Variants in MNAT1 observed in about 807,000 individuals in gnomAD.
The protein encoded by MNAT1 is CDK-activating kinase assembly factor MAT1.
In MNAT1, 43 loss-of-function variants were observed where a neutral mutation model predicts 42.0. That is an observed-to-expected ratio of 1.02 (90% CI 0.80 to 1.32). MNAT1 has a LOEUF of 1.32. Ranked by LOEUF, MNAT1 falls within the 40% of genes most tolerant of loss-of-function variation. The probability of loss-of-function intolerance (pLI) is 0.00; values close to 1 mark genes in which losing one functional copy is unlikely to be tolerated. For missense variants in MNAT1, 306 were observed against 350.4 expected (o/e 0.87, Z 1.01); for synonymous variants, 118 against 120.0 (o/e 0.98, Z 0.11).
intron 7 of MNAT1, among the ~76,000 whole-genome samples, chr14:60,886,270 G>A (rs4902012): frequency 0.93 from 141,002 of 152,034 alleles, 65,895 homozygotes; most frequent in Non-Finnish European, 0.99. Context: ...ATTTTTTTCT[G>A]TTTGTATTGA....
chr14:60,838,952 G>A (rs2033472498), intron 6 of MNAT1, among the ~76,000 whole-genome samples: 1 of 152,142 alleles, frequency 6.6e-6, no homozygotes, highest in East Asian at 1.9e-4. Context: ...GCCCCCTCTG[G>A]ACTTTGGGGA....
At position 60,939,806 on chromosome 14, in the gene MNAT1, T is replaced by A. The variant is rs182977297; in HGVS notation, c.810-28423T>A. On this transcript the variant is annotated intron_variant, in intron 7 of 7. Coordinates refer to ENST00000261245, the MANE Select transcript of MNAT1 (RefSeq NM_002431.4). Reference sequence around the variant, plus strand: ...GAGCCTTGTTAACTTTCTGTCTCGTTGATCTGTCTAACGTTGAGAGTGGGG... The same window carrying A: ...GAGCCTTGTTAACTTTCTGTCTCGTAGATCTGTCTAACGTTGAGAGTGGGG... 7.1e-3 allele frequency among the ~76,000 whole-genome samples: 1,088 copies of A among 152,316 alleles called. 16 individuals are homozygous for A. Among genetic ancestry groups the A allele is most frequent in the Non-Finnish European group, 7.4e-3 (506 of 68,030 alleles).
At chr14:60,912,492 CAGGAG>C (rs1277540966) in intron 7 of MNAT1, among the ~76,000 whole-genome samples, 1 of 152,166 alleles carries the variant, frequency 6.6e-6, no homozygotes, top group Non-Finnish European at 1.5e-5. Flanking sequence ...GTGCTTCCTT[CAGGAG>C]CTTTTGTAGG....
chr14:60,872,621 C>T (rs1329862864), intron 6 of MNAT1, among the ~76,000 whole-genome samples: 1 of 151,916 alleles, frequency 6.6e-6, no homozygotes, highest in Non-Finnish European at 1.5e-5. Flanking sequence ...TGATTCTAGG[C>T]TCTTCTTTCT....
At chr14:60,898,147 G>A (rs950330738) in intron 7 of MNAT1, among the ~76,000 whole-genome samples, 5 of 131,544 alleles carry the variant, frequency 3.8e-5, no homozygotes, top group Admixed American at 1.6e-4. Context: ...GTGTGCGCGC[G>A]CCACATTTTT....
intron 5 of MNAT1, among the ~76,000 whole-genome samples, chr14:60,816,858 A>T (rs2032731650): frequency 1.3e-5 from 2 of 152,038 alleles, no homozygotes; most frequent in Admixed American, 1.3e-4. Context: ...GTGCTTCAAT[A>T]TCAAAAGTGT....
At chr14:60,910,719 T>C (rs750811974) in intron 7 of MNAT1, among the ~76,000 whole-genome samples, 10 of 152,214 alleles carry the variant, frequency 6.6e-5, no homozygotes, top group Non-Finnish European at 1.0e-4. Context: ...CTGCTGGATT[T>C]GGTTTGCCAG....
intron 6 of MNAT1, among the ~76,000 whole-genome samples, chr14:60,853,370 A>C (rs1264976759): frequency 6.6e-6 from 1 of 152,010 alleles, no homozygotes; most frequent in Non-Finnish European, 1.5e-5. Context: ...GTGTAGGAAT[A>C]CTTGTGATTT....
At chr14:60,915,074 C>T (rs998305650) in intron 7 of MNAT1, among the ~76,000 whole-genome samples, 15 of 152,162 alleles carry the variant, frequency 9.9e-5, no homozygotes, top group Non-Finnish European at 1.9e-4. Context: ...GGTGCTATTT[C>T]AGGTAATTTT....
chr14:60,901,870 G>T (rs2035079156), intron 7 of MNAT1, among the ~76,000 whole-genome samples: 1 of 152,164 alleles, frequency 6.6e-6, no homozygotes, highest in South Asian at 2.1e-4. Context: ...TGAAGATGCT[G>T]TGAACATTGT....
intron 1 of MNAT1, among the ~76,000 whole-genome samples, chr14:60,747,908 A>G (rs2029900567): frequency 6.6e-6 from 1 of 152,176 alleles, no homozygotes; most frequent in Admixed American, 6.5e-5. Context: ...TATTGAAAAC[A>G]TTTTAAGGCC....
chr14:60,883,741 C>G (rs185314006), intron 7 of MNAT1, among the ~76,000 whole-genome samples: 1 of 152,060 alleles, frequency 6.6e-6, no homozygotes, highest in African/African-American at 2.4e-5. Flanking sequence ...TGTGTGTCCT[C>G]TTCAATTTTT....
intron 7 of MNAT1, among the ~76,000 whole-genome samples, chr14:60,925,494 C>T (rs571718326): frequency 1.3e-5 from 2 of 152,202 alleles, no homozygotes; most frequent in South Asian, 4.2e-4. Flanking sequence ...CCATGTTCTT[C>T]CTTTTGGCTT....
chr14:60,919,295 C>T (rs938619303), intron 7 of MNAT1: 1 of 152,286 alleles, frequency 6.6e-6, no homozygotes, highest in Non-Finnish European at 1.5e-5. Context: ...AAGGCTGCCT[C>T]GTGCACATCT....
At chr14:60,967,767 C>T (rs756666983) in intron 7 of MNAT1, among the ~76,000 whole-genome samples, 3 of 152,276 alleles carry the variant, frequency 2.0e-5, no homozygotes, top group Middle Eastern at 3.4e-3. Context: ...GTAACTCATA[C>T]GTTTTCTCCC....
intron 7 of MNAT1, among the ~76,000 whole-genome samples, chr14:60,917,716 G>T (rs560147424): frequency 6.6e-6 from 1 of 150,688 alleles, no homozygotes; most frequent in Admixed American, 6.6e-5. Flanking sequence ...TCCACCTCCC[G>T]GGTTCAAGTG....
intron 7 of MNAT1, among the ~76,000 whole-genome samples, chr14:60,904,231 A>C (rs2139511432): frequency 6.6e-6 from 1 of 152,338 alleles, no homozygotes; most frequent in Non-Finnish European, 1.5e-5. Context: ...AAGAATGTGG[A>C]AAAATACAAA....
intron 7 of MNAT1, among the ~76,000 whole-genome samples, chr14:60,882,456 A>C (rs1035240098): frequency 1.3e-5 from 2 of 152,186 alleles, no homozygotes; most frequent in Non-Finnish European, 2.9e-5. Context: ...GTGTATATGT[A>C]CCACATTTTC....
chr14:60,811,988 C>T lies in MNAT1; in HGVS notation c.422C>T (p.Thr141Ile). Residue 141 changes from threonine (T) to isoleucine (I), a missense_variant and splice_region_variant, in exon 5 of 8, where the codon ACT becomes ATT. Thr to Ile is a moderately conservative substitution (Grantham distance 89). Transcript: ENST00000261245. ...DVIQKNKLKLTREQEELEEAL... is the reference protein window; with the variant it reads ...DVIQKNKLKLIREQEELEEAL... ...GCCATATATAAATTTTTGTTTTAGACTCGAGAACAGGAAGAACTGGAAGAA... is the reference window on the plus strand; with the variant it reads ...GCCATATATAAATTTTTGTTTTAGATTCGAGAACAGGAAGAACTGGAAGAA... 6.4e-7 allele frequency: 1 copy of T among 1,572,736 alleles called. No individual in the cohort carries two copies. Among genetic ancestry groups the T allele is most frequent in the Non-Finnish European group, 8.6e-7 (1 of 1,165,424 alleles).
Sources: allele counts gnomAD v4.1 joint callset (sites outside exome capture counted in the v4.1 genomes callset), GRCh38; gene constraint gnomAD v4.1.1; transcripts MANE v1.5; gene names NCBI Gene and HGNC (gene_info 2026-07-23, HGNC 2026-07-21).